The following ESCO1 variants were observed in gnomAD, a reference collection of about 807,000 sequenced individuals.
ESCO1 encodes the protein N-acetyltransferase ESCO1.
A neutral mutation model predicts 83.5 loss-of-function variants in ESCO1; 33 were observed. That is an observed-to-expected ratio of 0.40 (90% confidence interval 0.30 to 0.53). The LOEUF is 0.53. ESCO1 is among the 20% of genes least tolerant of loss of function. ESCO1 has a pLI of 0.63. For synonymous variants in ESCO1, 332 were observed against 324.3 expected, an observed-to-expected ratio of 1.02 and a Z score of -0.25; for missense variants, 855 against 968.0, an observed-to-expected ratio of 0.88 and a Z score of 1.55.
At chr18:21,594,000 G>A (rs2038724236) in intron 1 of ESCO1, among the ~76,000 whole-genome samples, 1 of 152,094 alleles carries the variant, frequency 6.6e-6, no homozygotes, top group Non-Finnish European at 1.5e-5. Context: ...CTTTGTTATG[G>A]GTGGGCTGTC....
At chr18:21,548,058 C>T (rs906823712) in intron 8 of ESCO1, among the ~76,000 whole-genome samples, 3 of 152,002 alleles carry the variant, frequency 2.0e-5, no homozygotes, top group African/African-American at 7.2e-5. Context: ...GCTGAGATGG[C>T]GCCACTGCAC....
chr18:21,592,646 G>A (rs1434637052), intron 1 of ESCO1, among the ~76,000 whole-genome samples: 7 of 150,290 alleles, frequency 4.7e-5, no homozygotes, highest in Non-Finnish European at 7.4e-5. Flanking sequence ...CTGGCCTGGC[G>A]CGGGCTGACC....
At chr18:21,542,447 T>G (rs929666874) in intron 8 of ESCO1, among the ~76,000 whole-genome samples, 2 of 152,206 alleles carry the variant, frequency 1.3e-5, no homozygotes, top group Admixed American at 6.5e-5. Context: ...TGCATGGCCT[T>G]AGGCAAATCA....
At chr18:21,582,432 T>C (rs983567578) in intron 2 of ESCO1, among the ~76,000 whole-genome samples, 15 of 152,114 alleles carry the variant, frequency 9.9e-5, no homozygotes, top group African/African-American at 3.4e-4. Flanking sequence ...GGTTTCACCA[T>C]GTTAGCCAGG....
chr18:21,568,134 G>T, intron 4 of ESCO1, 40 bp from the exon 5 acceptor site: 1 of 1,438,918 alleles, frequency 6.9e-7, no homozygotes, highest in Non-Finnish European at 9.7e-7. Flanking sequence ...TCAACTTTGG[G>T]TTTTATCTAA....
chr18:21,546,804 C>T (rs1019283158), intron 8 of ESCO1, among the ~76,000 whole-genome samples: 2 of 152,214 alleles, frequency 1.3e-5, no homozygotes, highest in African/African-American at 4.8e-5. Context: ...GCCCTGGCCT[C>T]CCAAAGTGCT....
chr18:21,591,005 TC>T (rs1240439092), intron 1 of ESCO1, among the ~76,000 whole-genome samples: 2 of 151,894 alleles, frequency 1.3e-5, no homozygotes, highest in East Asian at 3.9e-4. Flanking sequence ...TCTAAAACTC[TC>T]CAGTAGTGGC....
chr18:21,576,122 C>A (rs1429234818), intron 2 of ESCO1, among the ~76,000 whole-genome samples: 1 of 151,948 alleles, frequency 6.6e-6, no homozygotes, highest in African/African-American at 2.4e-5. Context: ...TAGAAAAAGA[C>A]TGAAATACAG....
chr18:21,585,568 A>G (rs965100786), intron 1 of ESCO1, among the ~76,000 whole-genome samples: 7 of 152,178 alleles, frequency 4.6e-5, no homozygotes, highest in African/African-American at 1.7e-4. Context: ...AATCTTGATT[A>G]CTGTAGCTTT....
At chr18:21,597,246 T>C (rs549973915) in intron 1 of ESCO1, among the ~76,000 whole-genome samples, 63 of 152,298 alleles carry the variant, frequency 4.1e-4, no homozygotes, top group African/African-American at 1.4e-3. Flanking sequence ...TAGCAACAGA[T>C]TGATAGGAAA....
At chr18:21,540,717 A>T in intron 8 of ESCO1, 1 of 1,265,436 alleles carries the variant, frequency 7.9e-7, no homozygotes, top group Non-Finnish European at 1.0e-6. Context: ...AAAAAAACAA[A>T]ACAAAACAAA....
At chr18:21,576,175 G>T (rs1283985245) in intron 2 of ESCO1, among the ~76,000 whole-genome samples, 1 of 151,932 alleles carries the variant, frequency 6.6e-6, no homozygotes, top group Non-Finnish European at 1.5e-5. Context: ...CCTCTATTCC[G>T]ATTCAAACCC....
chr18:21,573,500 T>A lies in ESCO1; in HGVS notation c.1344A>T (p.Ile448=). 1 of 1,612,850 alleles carries A rather than the reference T, an allele frequency of 6.2e-7. No individual in the cohort carries two copies. Among genetic ancestry groups the A allele is most frequent in the Non-Finnish European group, 8.5e-7 (1 of 1,179,742 alleles). Residue 448 remains isoleucine, a synonymous_variant, in exon 4 of 12, where the codon ATA becomes ATT. Coordinates refer to ENST00000269214, the MANE Select transcript of ESCO1 (RefSeq NM_052911.3). ...FLGTKLHDRN[I]TCQQEKMKEI... The stretch of plus-strand genomic sequence containing the variant: ...CTTTCATTTTTTCCTGCTGGCAAGT[T>A]ATATTTCTATCATGTAGCTTTGTCC...
At chr18:21,552,474 TGAA>T (rs1184635872) in intron 8 of ESCO1, among the ~76,000 whole-genome samples, 6 of 152,202 alleles carry the variant, frequency 3.9e-5, no homozygotes, top group African/African-American at 1.4e-4. Flanking sequence ...TGACACCATG[TGAA>T]GAAGGACAAA....
In ESCO1 at chr18:21,566,286, A is replaced by G. The variant is rs1050583922; in HGVS notation, c.1646-80T>C. The G allele has an allele frequency of 2.0e-5, 26 of 1,332,910 alleles. No individual in the cohort carries two copies. The African/African-American group carries it at 2.1e-4, about 11-fold the overall frequency. The allele number at this position is 1,332,910 out of a possible 1,614,324, so 82.6% of individuals were successfully genotyped here. On this transcript the variant is annotated intron_variant, in intron 5 of 11. Coordinates refer to ENST00000269214, the MANE Select transcript of ESCO1 (RefSeq NM_052911.3). ...TCTAATGGATAAAATCATTATACAT[A>G]AAGAAAAAAACCTTCAATGCATTAA...
intron 1 of ESCO1, among the ~76,000 whole-genome samples, chr18:21,596,794 A>G (rs1402017225): frequency 1.3e-5 from 2 of 152,166 alleles, no homozygotes; most frequent in African/African-American, 4.8e-5. Flanking sequence ...GAGATAGCAC[A>G]GCCTGGGCAA....
chr18:21,600,407 C>T (rs2038827689), intron 1 of ESCO1, among the ~76,000 whole-genome samples: 1 of 152,250 alleles, frequency 6.6e-6, no homozygotes, highest in Non-Finnish European at 1.5e-5. Context: ...AGCACGTTAG[C>T]TGCCTACCTC....
intron 8 of ESCO1, among the ~76,000 whole-genome samples, chr18:21,545,797 C>G (rs868737314): frequency 6.6e-6 from 1 of 151,696 alleles, no homozygotes; most frequent in Admixed American, 6.6e-5. Flanking sequence ...GAGCATGTGG[C>G]GCACGCCTGT....
Position 21,573,831 on chromosome 18 carries a change from T to C in ESCO1, c.1013A>G (p.Glu338Gly), listed in dbSNP as rs748289697. The change falls in exon 4 of 12, where the codon GAA becomes GGA. Residue 338 changes from glutamate (E) to glycine (G), a missense_variant. By Grantham distance (98) the Glu-to-Gly change is moderately conservative. This residue lies in a region of ESCO1 where 726 missense variants were observed against 699.5 expected (regional missense o/e 1.04). Coordinates refer to ENST00000269214, the MANE Select transcript of ESCO1 (RefSeq NM_052911.3). ...AACACTGGTCTCTTCCAATTTTATT[T>C]CTGTGGGCTTTTCTTCCTTTACACT... ...MESVKEEKPTEIKLEETSVER... is the reference protein window; with the variant it reads ...MESVKEEKPTGIKLEETSVER... 9.0e-5 allele frequency: 146 copies of C among 1,613,892 alleles called. No homozygotes were observed. The highest frequency in any genetic ancestry group is 1.2e-4 in the Non-Finnish European group (145 of 1,180,018).
Sources: gnomAD v4.1 joint callset for allele counts (sites outside exome capture counted in the v4.1 genomes callset) on GRCh38, gnomAD v4.1.1 for gene constraint, gnomAD v4.1.1 regional missense constraint, MANE v1.5 for transcripts, NCBI Gene and HGNC (gene_info 2026-07-23, HGNC 2026-07-21) for gene names.